Variants in CELA3B observed in about 807,000 individuals in gnomAD.
CELA3B encodes chymotrypsin-like elastase family member 3B.
CELA3B carries 34 observed loss-of-function variants against 37.2 expected under a neutral mutation model. That is an observed-to-expected ratio of 0.91 (90% confidence interval 0.70 to 1.22). The LOEUF (loss-of-function observed/expected upper bound fraction) is 1.22, where lower values mean the gene tolerates loss of function less well. CELA3B is among the 50% of genes most tolerant of loss of function. The pLI is 0.00. For synonymous variants in CELA3B, 127 were observed against 143.5 expected (o/e 0.89, Z 0.82); for missense variants, 340 against 363.1 (o/e 0.94, Z 0.52).
chr1:21,995,662 T>C (rs1644887564), intron 4 of CELA3B, among the ~76,000 whole-genome samples: 1 of 150,484 alleles, frequency 6.6e-6, no homozygotes, highest in Non-Finnish European at 1.5e-5. Flanking sequence ...ATTTTTAGAT[T>C]GGTGTAAAAG....
At chr1:21,986,708 G>A (rs763186531) in intron 7 of CELA3B, 25 bp downstream of exon 7, 3 of 1,599,086 alleles carry the variant, frequency 1.9e-6, no homozygotes, top group African/African-American at 2.7e-5. Flanking sequence ...GCGGCCCGGA[G>A]GGCTTTAGGG....
intron 2 of CELA3B, among the ~76,000 whole-genome samples, chr1:21,979,381 T>G (rs1195542753): frequency 1.3e-5 from 2 of 151,912 alleles, no homozygotes; most frequent in Non-Finnish European, 2.9e-5. Flanking sequence ...TGAAATTTAC[T>G]TACATTAAAT....
At chr1:21,997,577 A>C (rs1644896202) in intron 4 of CELA3B, among the ~76,000 whole-genome samples, 1 of 150,310 alleles carries the variant, frequency 6.7e-6, no homozygotes, top group African/African-American at 2.5e-5. Context: ...AATCCCAGCT[A>C]CCTGGGAGGC....
intron 6 of CELA3B, among the ~76,000 whole-genome samples, chr1:21,985,008 A>G (rs1644829223): frequency 6.6e-6 from 1 of 151,992 alleles, no homozygotes; most frequent in Non-Finnish European, 1.5e-5. Flanking sequence ...TTCTGGGCAC[A>G]GTCCCTCATG....
intron 2 of CELA3B, among the ~76,000 whole-genome samples, chr1:21,980,285 G>A (rs1644796459): frequency 6.7e-6 from 1 of 149,210 alleles, no homozygotes; most frequent in Non-Finnish European, 1.5e-5. Flanking sequence ...CTCGAGACCA[G>A]CCTGGCCAAC....
intron 4 of CELA3B, among the ~76,000 whole-genome samples, chr1:21,981,915 C>T (rs571444553): frequency 1.6e-4 from 25 of 151,964 alleles, no homozygotes; most frequent in Admixed American, 5.9e-4. Context: ...TTAGTAGAGA[C>T]GGGGTTTCAC....
intron 4 of CELA3B, among the ~76,000 whole-genome samples, chr1:21,997,378 G>C (rs1361926976): frequency 9.1e-6 from 1 of 109,820 alleles, no homozygotes; most frequent in East Asian, 2.6e-4. Context: ...CAAGACAAGA[G>C]CAAGACTCGT....
At chr1:21,984,168 C>T in intron 5 of CELA3B, 21 bp from the exon 6 acceptor site, 2 of 1,609,144 alleles carry the variant, frequency 1.2e-6, no homozygotes, top group African/African-American at 1.3e-5. Flanking sequence ...ACCCCTGACT[C>T]GGTGCTTTTT....
chr1:21,998,294 C>T (rs2152818583), exon 5 of CELA3B: 1 of 452,818 alleles, frequency 2.2e-6, no homozygotes, highest in Non-Finnish European at 4.7e-6. Context: ...TTTTCCAATC[C>T]CATCTGACCT....
In CELA3B at chr1:21,977,147, C is replaced by G. The variant is rs925417003; in HGVS notation, c.43+65C>G. On this transcript the variant is annotated intron_variant, in intron 1 of 7. Transcript: ENST00000337107. ...TAGATTAGGAATCCTTGAAATCTACCACTTGCTCTAAGTCCCATGACACCC... is the reference window on the plus strand; with the variant it reads ...TAGATTAGGAATCCTTGAAATCTACGACTTGCTCTAAGTCCCATGACACCC... 6 of 1,606,700 alleles carry G rather than the reference C, an allele frequency of 3.7e-6. No individual in the cohort carries two copies. In the African/African-American group the frequency reaches 6.7e-5, roughly 18 times the overall value.
At chr1:21,989,786 A>G (rs1215591837), downstream of CELA3B, among the ~76,000 whole-genome samples, 1 of 150,942 alleles carries the variant, frequency 6.6e-6, no homozygotes, top group African/African-American at 2.5e-5. Context: ...TCATTCATTC[A>G]ACAAACACTT....
downstream of CELA3B, among the ~76,000 whole-genome samples, chr1:21,989,584 C>G (rs1352211012): frequency 1.4e-5 from 2 of 147,136 alleles, 1 homozygote; most frequent in African/African-American, 5.2e-5. Flanking sequence ...GGGAAGGTAC[C>G]AGGAAAAATG....
chr1:21,988,911 A>AAT (rs137938816), intron 7 of CELA3B, among the ~76,000 whole-genome samples: 86,555 of 147,936 alleles, frequency 0.59, 22,338 homozygotes, highest in Middle Eastern at 0.74. Flanking sequence ...AAACTCCAAA[A>AAT]ATATATATTT....
At chr1:21,988,549 C>G (rs1355122244) in intron 7 of CELA3B, among the ~76,000 whole-genome samples, 1 of 147,328 alleles carries the variant, frequency 6.8e-6, no homozygotes, top group African/African-American at 2.5e-5. Context: ...CAAGATTGCA[C>G]CACTGCCCTC....
At chr1:21,982,918 ATCC>A (rs1323605737) in intron 4 of CELA3B, among the ~76,000 whole-genome samples, 1 of 152,046 alleles carries the variant, frequency 6.6e-6, no homozygotes, top group Non-Finnish European at 1.5e-5. Context: ...TAACCTCGTG[ATCC>A]GCAGCAGTCT....
At chr1:21,989,798 T>C (rs1253727716), downstream of CELA3B, among the ~76,000 whole-genome samples, 2 of 150,846 alleles carry the variant, frequency 1.3e-5, 1 homozygote, top group Non-Finnish European at 2.9e-5. Flanking sequence ...CAAACACTTA[T>C]TCCTTGTTTT....
At chr1:21,985,688 G>C (rs1419806853) in intron 6 of CELA3B, among the ~76,000 whole-genome samples, 1 of 151,656 alleles carries the variant, frequency 6.6e-6, no homozygotes, top group African/African-American at 2.4e-5. Context: ...TCAGGAGATC[G>C]AGACCATCCT....
rs762786012 is a variant in CELA3B at position 21,977,133 on chromosome 1, T to C, written c.43+51T>C. The C allele has an allele frequency of 3.1e-6, 5 of 1,611,916 alleles. No homozygotes were observed. In the East Asian group the frequency reaches 1.1e-4, roughly 36 times the overall value. ...TCCCTGGGCTGCCCTAGATTAGGAA[T>C]CCTTGAAATCTACCACTTGCTCTAA... On this transcript the variant is annotated intron_variant, in intron 1 of 7. Transcript: ENST00000337107.
chr1:21,985,748 T>A (rs978813317), intron 6 of CELA3B, among the ~76,000 whole-genome samples: 1 of 151,868 alleles, frequency 6.6e-6, no homozygotes, highest in Non-Finnish European at 1.5e-5. Flanking sequence ...AAAATTAGCC[T>A]GGCATGGTGG....
Sources: gnomAD v4.1 joint callset for allele counts (sites outside exome capture counted in the v4.1 genomes callset) on GRCh38, gnomAD v4.1.1 for gene constraint, MANE v1.5 for transcripts, NCBI Gene and HGNC (gene_info 2026-07-23, HGNC 2026-07-21) for gene names.